The following ADGRA2 variants were observed in gnomAD, a reference collection of about 807,000 sequenced individuals.
ADGRA2 encodes the protein adhesion G protein-coupled receptor A2.
A neutral mutation model predicts 98.7 loss-of-function variants in ADGRA2; 61 were observed. The observed-to-expected ratio is 0.62, with a 90% CI of 0.50 to 0.76. The LOEUF is 0.76. Among genes scored for constraint, ADGRA2 ranks in the 30% least tolerant of loss-of-function variants. ADGRA2 has a pLI of 0.00. For missense variants in ADGRA2, 1,712 were observed against 1,860.0 expected, an observed-to-expected ratio of 0.92 and a Z score of 1.46; for synonymous variants, 858 against 831.5, an observed-to-expected ratio of 1.03 and a Z score of -0.55.
intron 15 of ADGRA2, among the ~76,000 whole-genome samples, 162 bp downstream of exon 15, chr8:37,839,245 G>C (rs199868433): frequency 6.6e-6 from 1 of 152,222 alleles, no homozygotes; most frequent in Non-Finnish European, 1.5e-5. Flanking sequence ...CATGGGTGCA[G>C]GGTGGACTCA....
intron 1 of ADGRA2, among the ~76,000 whole-genome samples, chr8:37,806,892 C>T (rs750150705): frequency 2.0e-5 from 3 of 152,182 alleles, no homozygotes; most frequent in Non-Finnish European, 4.4e-5. Context: ...ATTCCCTTCC[C>T]ATCCAAGCCC....
In ADGRA2 at chr8:37,841,053, C is replaced by T. The variant is rs754562995; in HGVS notation, c.2748-33C>T. ...CCCAGCCCCACCCCAGCCATGCCCC[C>T]TGTCCTCATCACTGCTTCTGTGTCT... On this transcript the variant is annotated intron_variant, in intron 18 of 18. Coordinates refer to ENST00000412232, the MANE Select transcript of ADGRA2 (RefSeq NM_032777.10). The surrounding 1 kb of genome is among the most constrained non-coding windows in gnomAD (Gnocchi z 5.0). The T allele has an allele frequency of 5.7e-6, 9 of 1,567,876 alleles. No homozygotes were observed. In the African/African-American group the frequency reaches 1.2e-4, roughly 21 times the overall value.
In ADGRA2 at chr8:37,840,122, T is replaced by G. The variant is rs1272395797; in HGVS notation, c.2513T>G (p.Val838Gly). 1.3e-6 allele frequency: 2 copies of G among 1,590,698 alleles called. No individual in the cohort carries two copies. The highest frequency in any genetic ancestry group is 3.4e-5 in the Admixed American group (2 of 58,300). ...LTNYQMVCQA[V>G]GITLHYSSLS... Reference sequence around the variant, plus strand: ...AGCCTCCGTGCCTTGACCCCGCAGGTGGGCATCACCCTGCACTACTCCTCC... The same window carrying G: ...AGCCTCCGTGCCTTGACCCCGCAGGGGGGCATCACCCTGCACTACTCCTCC... Residue 838 changes from valine (V) to glycine (G), a missense_variant and splice_region_variant, in exon 17 of 19, where the codon GTG (valine) becomes GGG (glycine). By Grantham distance (109) the Val-to-Gly change is moderately radical. Transcript: ENST00000412232.
rs143100572 is a variant in ADGRA2, at chr8:37,830,137, A to C, written c.718+123A>C. Reference sequence around the variant, plus strand: ...ACCTTTGTATTGCAATTTGCAAAAGACCACGACACTGAGTCCTGCTCTTGC... The same window carrying C: ...ACCTTTGTATTGCAATTTGCAAAAGCCCACGACACTGAGTCCTGCTCTTGC... On this transcript the variant is annotated intron_variant, in intron 6 of 18. Transcript: ENST00000412232. The surrounding 1 kb of genome is among the most constrained non-coding windows in gnomAD (Gnocchi z 4.8). 1.3e-3 allele frequency: 781 copies of C among 587,282 alleles called. 1 individual carries two copies. The highest frequency in any genetic ancestry group is 9.2e-3 in the Middle Eastern group (20 of 2,178). The allele number at this position is 587,282 out of a possible 1,614,324, so 36.4% of individuals were successfully genotyped here. A position where few individuals can be genotyped will look rare whatever the true frequency, so the allele number is the denominator to read the frequency against.
chr8:37,832,187 C>T (rs968078909), intron 8 of ADGRA2, among the ~76,000 whole-genome samples: 4 of 152,138 alleles, frequency 2.6e-5, no homozygotes, highest in Admixed American at 1.3e-4. Flanking sequence ...TCAGCCTCCC[C>T]GGTAGCTGGC....
chr8:37,831,133 C>G (rs1805440830), intron 7 of ADGRA2, among the ~76,000 whole-genome samples: 2 of 152,208 alleles, frequency 1.3e-5, no homozygotes, highest in African/African-American at 4.8e-5. Flanking sequence ...CTTCACATCT[C>G]TTTAGTGTTC....
rs1805870169 is a variant in ADGRA2, at chr8:37,843,327, G to A, written c.*972G>A. 1 of 152,238 alleles carries A rather than the reference G, an allele frequency of 6.6e-6. No individual in the cohort carries two copies. Among genetic ancestry groups the A allele is most frequent in the South Asian group, 2.1e-4 (1 of 4,828 alleles). The allele number at this position is 152,238 out of a possible 1,614,324, so 9.4% of individuals were successfully genotyped here. Reference sequence around the variant, plus strand: ...CTTCCTTGCCTCCGTAAGGCCAGAGGAAGAACCATCCCAATCATTTGATCT... The same window carrying A: ...CTTCCTTGCCTCCGTAAGGCCAGAGAAAGAACCATCCCAATCATTTGATCT... On this transcript the variant is annotated 3_prime_UTR_variant, in exon 19 of 19. Coordinates refer to ENST00000412232, the MANE Select transcript of ADGRA2 (RefSeq NM_032777.10).
At chr8:37,826,169 A>G (rs753023638) in intron 2 of ADGRA2, among the ~76,000 whole-genome samples, 4 of 152,192 alleles carry the variant, frequency 2.6e-5, no homozygotes, top group Non-Finnish European at 5.9e-5. Flanking sequence ...TTGGCAGCCC[A>G]TGAAGGGAAG....
At chr8:37,825,052 G>A (rs746892905) in intron 2 of ADGRA2, among the ~76,000 whole-genome samples, 2 of 152,142 alleles carry the variant, frequency 1.3e-5, no homozygotes, top group Non-Finnish European at 2.9e-5. Context: ...CATATTGACA[G>A]AGATACAGGG....
intron 14 of ADGRA2, 40 bp downstream of exon 14, chr8:37,837,979 C>T: frequency 3.5e-6 from 5 of 1,412,540 alleles, no homozygotes; most frequent in Non-Finnish European, 4.7e-6. Flanking sequence ...GGGGCAGGGA[C>T]ACGGGCTGGG....
At chr8:37,825,750 GC>G (rs1757064880) in intron 2 of ADGRA2, among the ~76,000 whole-genome samples, 1 of 152,178 alleles carries the variant, frequency 6.6e-6, no homozygotes, top group South Asian at 2.1e-4. Context: ...CATTTCTCCC[GC>G]CCCGAGGGAG....
chr8:37,835,544 G>T lies in ADGRA2; in HGVS notation c.1834-10G>T, dbSNP rs747484333. 6.3e-7 allele frequency: 1 copy of T among 1,583,646 alleles called. No individual in the cohort carries two copies. The highest frequency in any genetic ancestry group is 8.7e-7 in the Non-Finnish European group (1 of 1,152,296). On this transcript the variant is annotated splice_polypyrimidine_tract_variant and intron_variant, in intron 12 of 18. Coordinates refer to ENST00000412232, the MANE Select transcript of ADGRA2 (RefSeq NM_032777.10). Reference sequence around the variant, plus strand: ...CCTGGTGTCTCTGAGGAGCTCCTATGTCCCCCCAGAACAGCGTGGCCCTGG... The same window carrying T: ...CCTGGTGTCTCTGAGGAGCTCCTATTTCCCCCCAGAACAGCGTGGCCCTGG...
At position 37,833,722 on chromosome 8, in the gene ADGRA2, C is replaced by G. The variant is rs1450787657; in HGVS notation, c.1331C>G (p.Ala444Gly). The G allele has an allele frequency of 1.9e-6, 3 of 1,614,072 alleles. No individual in the cohort carries two copies. Among genetic ancestry groups the G allele is most frequent in the Non-Finnish European group, 2.5e-6 (3 of 1,180,024 alleles). ...AATGCCTCCAATGCGCTGACCCTGG[C>G]TCACCAGCTGCGCGTGTACACAGCC... ...PINASNALTL[A>G]HQLRVYTAEA... The change falls in exon 10 of 19, where the codon GCT (alanine) becomes GGT (glycine). Residue 444 changes from alanine (A) to glycine (G), a missense_variant. Physicochemically the swap from Ala to Gly is moderately conservative, Grantham distance 60. Coordinates refer to ENST00000412232, the MANE Select transcript of ADGRA2 (RefSeq NM_032777.10).
Position 37,834,211 on chromosome 8 carries a change from A to C in ADGRA2, c.1608+83A>C, listed in dbSNP as rs1400107792. 3 of 1,247,330 alleles carry C rather than the reference A, an allele frequency of 2.4e-6. No homozygotes were observed. The East Asian group carries it at 7.3e-5, about 30-fold the overall frequency. The allele number at this position is 1,247,330 out of a possible 1,614,324, so 77.3% of individuals were successfully genotyped here. A position where few individuals can be genotyped will look rare whatever the true frequency, so the allele number is the denominator to read the frequency against. On this transcript the variant is annotated intron_variant, in intron 11 of 18. Transcript: ENST00000412232. The surrounding 1 kb of genome is among the most constrained non-coding windows in gnomAD (Gnocchi z 4.2). ...CTCAGGCGTGCACCTGCCGTGCCCC[A>C]GCTAGCAAGAGCAGCAGACGTGACA...
In ADGRA2 at chr8:37,829,834, CT is replaced by C. The variant is rs1046504358; in HGVS notation, c.555-16del. ...CTCCCTCTGCTCTGCTCCGTGACCC[CT>C]CTGCCCACCCTGCAGGGACTTGGGC... On this transcript the variant is annotated splice_polypyrimidine_tract_variant and intron_variant, in intron 5 of 18. Coordinates refer to ENST00000412232, the MANE Select transcript of ADGRA2 (RefSeq NM_032777.10). 1.2e-6 allele frequency: 2 copies of C among 1,604,094 alleles called. No homozygotes were observed. The highest frequency in any genetic ancestry group is 2.7e-5 in the African/African-American group (2 of 74,826).
intron 2 of ADGRA2, among the ~76,000 whole-genome samples, chr8:37,822,503 A>G (rs915966539): frequency 6.6e-6 from 1 of 152,078 alleles, no homozygotes; most frequent in African/African-American, 2.4e-5. Context: ...AAAAGTGTGC[A>G]ATCCAATGGT....
chr8:37,824,112 A>G lies in ADGRA2; in HGVS notation c.339-4776A>G, dbSNP rs1020255220. The stretch of plus-strand genomic sequence containing the variant: ...AATGGCATGGTCTCAGCTCACTGCA[A>G]TCTCCGCCTCCTGGGTTCAAGTGAT... On this transcript the variant is annotated intron_variant, in intron 2 of 18. Transcript: ENST00000412232. Among the ~76,000 whole-genome samples, 7 of 152,022 alleles carry G rather than the reference A, an allele frequency of 4.6e-5. No individual in the cohort carries two copies. The East Asian group carries it at 9.6e-4, about 21-fold the overall frequency.
chr8:37,829,514 G>T lies in ADGRA2; in HGVS notation c.509G>T (p.Ser170Ile), dbSNP rs1805391428. 1 of 1,613,794 alleles carries T rather than the reference G, an allele frequency of 6.2e-7. No individual in the cohort carries two copies. Among genetic ancestry groups the T allele is most frequent in the East Asian group, 2.2e-5 (1 of 44,876 alleles). Residue 170 changes from serine (S) to isoleucine (I), a missense_variant, in exon 5 of 19, where the codon AGT becomes ATT. Coordinates refer to ENST00000412232, the MANE Select transcript of ADGRA2 (RefSeq NM_032777.10). ...AACATATCTGGAAACATCTTCTCCAGTCTGCAACCTGGGGTCTTTGATGAG... is the reference window on the plus strand; with the variant it reads ...AACATATCTGGAAACATCTTCTCCATTCTGCAACCTGGGGTCTTTGATGAG... ...RLNISGNIFS[S>I]LQPGVFDELP...
Position 37,844,170 on chromosome 8 carries a change from G to T in ADGRA2, c.*1815G>T. 3.3e-6 allele frequency: 1 copy of T among 305,848 alleles called. No homozygotes were observed. Among genetic ancestry groups the T allele is most frequent in the Non-Finnish European group, 6.2e-6 (1 of 161,616 alleles). The allele number at this position is 305,848 out of a possible 1,614,324, so 18.9% of individuals were successfully genotyped here. A position where few individuals can be genotyped will look rare whatever the true frequency, so the allele number is the denominator to read the frequency against. ...CCCCCTCAGGCCTGCAGGAGGAGCCGCAGCAGTGTGTCCAATTCAAACCAG... is the reference window on the plus strand; with the variant it reads ...CCCCCTCAGGCCTGCAGGAGGAGCCTCAGCAGTGTGTCCAATTCAAACCAG... On this transcript the variant is annotated 3_prime_UTR_variant, in exon 19 of 19. Transcript: ENST00000412232.
Sources: gnomAD v4.1 joint callset for allele counts (sites outside exome capture counted in the v4.1 genomes callset) on GRCh38, gnomAD v4.1.1 for gene constraint, Gnocchi (gnomAD v3.1) non-coding constraint, MANE v1.5 for transcripts, NCBI Gene and HGNC (gene_info 2026-07-23, HGNC 2026-07-21) for gene names.